Variants in CPNE4 observed in about 807,000 individuals in gnomAD.
CPNE4 encodes copine-4.
In CPNE4, 25 loss-of-function variants were observed where a neutral mutation model predicts 67.9. The ratio of observed to expected loss-of-function variants is 0.37; its 90% CI spans 0.27 to 0.51. CPNE4 has a LOEUF of 0.51. Ranked by LOEUF, CPNE4 falls within the 20% of genes least tolerant of loss-of-function variation. The pLI is 0.93. For synonymous variants in CPNE4, 242 were observed against 244.9 expected (o/e 0.99, Z 0.11); for missense variants, 464 against 690.8 (o/e 0.67, Z 3.68).
In CPNE4 at chr3:131,854,122, G is replaced by A. The variant is rs902318947; in HGVS notation, c.180+51142C>T. Among the ~76,000 whole-genome samples, 4 of 151,744 alleles carry A rather than the reference G, an allele frequency of 2.6e-5. No homozygotes were observed. The East Asian group carries it at 5.8e-4, about 22-fold the overall frequency. On this transcript the variant is annotated intron_variant, in intron 2 of 15. Coordinates refer to ENST00000429747, the MANE Select transcript of CPNE4 (RefSeq NM_130808.3). ...GCCTTATTCACAATAGCTAAAAACCGATAATAGCACAAATGTCCATAAAGG... is the reference window on the plus strand; with the variant it reads ...GCCTTATTCACAATAGCTAAAAACCAATAATAGCACAAATGTCCATAAAGG...
At chr3:131,903,948 C>T (rs1270794751) in intron 2 of CPNE4, among the ~76,000 whole-genome samples, 2 of 152,082 alleles carry the variant, frequency 1.3e-5, no homozygotes, top group Non-Finnish European at 2.9e-5. Context: ...TCCACTGGGT[C>T]CGTGATCAGT....
At chr3:131,642,942 T>A (rs2079574566) in intron 7 of CPNE4, among the ~76,000 whole-genome samples, 1 of 152,188 alleles carries the variant, frequency 6.6e-6, no homozygotes, top group African/African-American at 2.4e-5. Context: ...GGTTCTGCTA[T>A]AAAGATACCC....
chr3:131,853,669 T>C (rs1022175534), intron 2 of CPNE4, among the ~76,000 whole-genome samples: 8 of 151,934 alleles, frequency 5.3e-5, no homozygotes, highest in Admixed American at 2.0e-4. Flanking sequence ...CAAATATTCA[T>C]AGCATAGGAA....
intron 2 of CPNE4, among the ~76,000 whole-genome samples, chr3:131,848,665 C>CAA (rs2086099295): frequency 1.6e-5 from 1 of 62,674 alleles, no homozygotes. Context: ...AAATGTGCAT[C>CAA]CAAAAAAAAA....
intron 1 of CPNE4, among the ~76,000 whole-genome samples, chr3:132,022,205 A>T (rs1340236268): frequency 6.6e-6 from 1 of 152,204 alleles, no homozygotes; most frequent in Non-Finnish European, 1.5e-5. Flanking sequence ...GTAAGTAAGG[A>T]ACAAGGAGAC....
intron 1 of CPNE4, among the ~76,000 whole-genome samples, chr3:131,979,742 T>A (rs1004940099): frequency 3.3e-5 from 5 of 152,076 alleles, no homozygotes; most frequent in African/African-American, 9.7e-5. Flanking sequence ...TGCCCATGTA[T>A]CTTGAGTTTT....
At chr3:131,771,257 C>T (rs34468208) in intron 2 of CPNE4, among the ~76,000 whole-genome samples, 49,474 of 151,950 alleles carry the variant, frequency 0.33, 8,540 homozygotes, top group South Asian at 0.43. Flanking sequence ...GATGGAGTCT[C>T]GCTTTGTCAC....
chr3:132,000,089 A>G (rs2073393006), intron 1 of CPNE4, among the ~76,000 whole-genome samples: 1 of 151,970 alleles, frequency 6.6e-6, no homozygotes, highest in South Asian at 2.1e-4. Context: ...ATTCCTGCTA[A>G]CAAGAAGCTT....
At position 131,898,154 on chromosome 3, in the gene CPNE4, A is replaced by G. The variant is rs372153133; in HGVS notation, c.180+7110T>C. ...TTATCAATAGTGAGTCTAGTTAAAC[A>G]TGCAAATAGGCACTCAGGAAAAGTG... On this transcript the variant is annotated intron_variant, in intron 2 of 15. Transcript: ENST00000429747. 3.3e-5 allele frequency among the ~76,000 whole-genome samples: 5 copies of G among 152,120 alleles called. No individual in the cohort carries two copies. In the East Asian group the frequency reaches 9.7e-4, roughly 29 times the overall value.
Position 131,973,398 on chromosome 3 carries a change from T to C in CPNE4, c.-2+61169A>G, listed in dbSNP as rs569103051. ...AGAAGAATCAATGTAGTAATAATAA[T>C]AATAGAAATATGTGATGATGATGAT... On this transcript the variant is annotated intron_variant, in intron 1 of 15. Coordinates refer to ENST00000429747, the MANE Select transcript of CPNE4 (RefSeq NM_130808.3). 3.3e-5 allele frequency among the ~76,000 whole-genome samples: 5 copies of C among 152,286 alleles called. No individual in the cohort carries two copies. In the South Asian group the frequency reaches 1.0e-3, roughly 32 times the overall value.
intron 3 of CPNE4, among the ~76,000 whole-genome samples, chr3:131,700,368 G>A (rs550910081): frequency 2.0e-5 from 3 of 152,208 alleles, no homozygotes; most frequent in African/African-American, 7.2e-5. Flanking sequence ...AGTGGGGGAT[G>A]GGGTGCAGGG....
chr3:131,591,400 G>A (rs1938520523), intron 7 of CPNE4, among the ~76,000 whole-genome samples: 1 of 152,038 alleles, frequency 6.6e-6, no homozygotes, highest in African/African-American at 2.4e-5. Context: ...CCCTTCTTTA[G>A]GGGACAGGGC....
chr3:131,693,009 T>C (rs2081065814), intron 5 of CPNE4, among the ~76,000 whole-genome samples: 1 of 152,202 alleles, frequency 6.6e-6, no homozygotes, highest in South Asian at 2.1e-4. Flanking sequence ...AGTCCCTTTC[T>C]CTACTAAGTG....
At chr3:131,840,046 A>T (rs1224156091) in intron 2 of CPNE4, among the ~76,000 whole-genome samples, 2 of 152,172 alleles carry the variant, frequency 1.3e-5, no homozygotes, top group Non-Finnish European at 1.5e-5. Context: ...ACATACATTC[A>T]TGTAGCATGA....
intron 6 of CPNE4, among the ~76,000 whole-genome samples, chr3:131,681,799 G>C (rs531184160): frequency 2.6e-5 from 4 of 151,932 alleles, no homozygotes; most frequent in Admixed American, 2.6e-4. Context: ...GATCTTGTAG[G>C]CATGCTTCAT....
chr3:131,953,404 A>AT (rs2071839906), intron 1 of CPNE4, among the ~76,000 whole-genome samples: 1 of 151,966 alleles, frequency 6.6e-6, no homozygotes, highest in Non-Finnish European at 1.5e-5. Flanking sequence ...TCTATGCCTA[A>AT]TTTTTTCAGA....
chr3:131,721,184 G>GT (rs2081873334), intron 3 of CPNE4, among the ~76,000 whole-genome samples: 1 of 152,004 alleles, frequency 6.6e-6, no homozygotes, highest in African/African-American at 2.4e-5. Flanking sequence ...CAAGGATTAT[G>GT]TTTTTTGGCT....
At chr3:131,914,299 A>G (rs551318309) in intron 1 of CPNE4, among the ~76,000 whole-genome samples, 2 of 152,272 alleles carry the variant, frequency 1.3e-5, no homozygotes, top group Non-Finnish European at 2.9e-5. Context: ...CTGCTTAACA[A>G]GACTCTCAAA....
chr3:131,788,135 T>G (rs1031873789), intron 2 of CPNE4, among the ~76,000 whole-genome samples: 4 of 152,038 alleles, frequency 2.6e-5, no homozygotes, highest in Admixed American at 2.0e-4. Context: ...ACAAAAGAAA[T>G]TCATAGTTTT....
Sources: gnomAD v4.1 joint callset for allele counts (sites outside exome capture counted in the v4.1 genomes callset) on GRCh38, gnomAD v4.1.1 for gene constraint, MANE v1.5 for transcripts, NCBI Gene and HGNC (gene_info 2026-07-23, HGNC 2026-07-21) for gene names.